ADAM10: variants seen among roughly 807,000 people sequenced by gnomAD.
ADAM10 encodes ADAM metallopeptidase domain 10, also known as disintegrin and metalloproteinase domain-containing protein 10.
ADAM10 carries 17 observed loss-of-function variants against 90.1 expected under a neutral mutation model. That is an observed-to-expected ratio of 0.19 (90% CI 0.13 to 0.28). The LOEUF (loss-of-function observed/expected upper bound fraction) is 0.28, where lower values mean the gene tolerates loss of function less well. ADAM10 is among the 10% of genes least tolerant of loss of function. The pLI is 1.00. For synonymous variants in ADAM10, 310 were observed against 298.6 expected (o/e 1.04, Z -0.40); for missense variants, 610 against 914.3 (o/e 0.67, Z 4.29).
chr15:58,733,300 C>A (rs555647994), intron 1 of ADAM10, among the ~76,000 whole-genome samples: 1 of 149,998 alleles, frequency 6.7e-6, no homozygotes, highest in Admixed American at 6.7e-5. Flanking sequence ...GTGAACAAAA[C>A]CTGGTGGTTC....
chr15:58,725,348 T>C (rs1375788997), intron 1 of ADAM10, among the ~76,000 whole-genome samples: 4 of 143,414 alleles, frequency 2.8e-5, no homozygotes, highest in Admixed American at 7.0e-5. Context: ...CTGGGCAATA[T>C]AGCAAGACCT....
rs3764196 is a variant in ADAM10, at chr15:58,594,811, T to G, written c.*2736A>C. ...GAGTTTCATAAATAACTAAACATAATATACATTTGATGCTCCTAAATTAAC... is the reference window on the plus strand; with the variant it reads ...GAGTTTCATAAATAACTAAACATAAGATACATTTGATGCTCCTAAATTAAC... On this transcript the variant is annotated 3_prime_UTR_variant, in exon 16 of 16. Coordinates refer to ENST00000260408, the MANE Select transcript of ADAM10 (RefSeq NM_001110.4). The G allele has an allele frequency of 0.24, 37,107 of 152,054 alleles. 4,828 individuals carry two copies. The highest frequency in any genetic ancestry group is 0.54 in the East Asian group (2,780 of 5,172). 9.4% of individuals were successfully genotyped at this position (152,054 alleles called of 1,614,324 possible). A position where few individuals can be genotyped will look rare whatever the true frequency, so the allele number is the denominator to read the frequency against.
chr15:58,715,193 G>A (rs566491954), intron 2 of ADAM10, among the ~76,000 whole-genome samples: 1 of 152,136 alleles, frequency 6.6e-6, no homozygotes, highest in South Asian at 2.1e-4. Context: ...AGACCGAGGT[G>A]AGCGGATCAC....
chr15:58,740,534 G>C (rs190102022), intron 1 of ADAM10, among the ~76,000 whole-genome samples: 2 of 151,724 alleles, frequency 1.3e-5, no homozygotes, highest in East Asian at 3.9e-4. Flanking sequence ...GCATACTTAT[G>C]CGTTTTAACT....
At chr15:58,618,274 G>A (rs1335343531) in intron 11 of ADAM10, among the ~76,000 whole-genome samples, 1 of 152,162 alleles carries the variant, frequency 6.6e-6, no homozygotes, top group Non-Finnish European at 1.5e-5. Context: ...AGTGGGGAAA[G>A]GACAGTCTCT....
At chr15:58,689,118 C>G (rs1437788551) in intron 2 of ADAM10, among the ~76,000 whole-genome samples, 1 of 152,046 alleles carries the variant, frequency 6.6e-6, no homozygotes, top group African/African-American at 2.4e-5. Flanking sequence ...TGAAAATCAG[C>G]GTTAAAGAGA....
intron 11 of ADAM10, among the ~76,000 whole-genome samples, chr15:58,618,824 G>A (rs1383495338): frequency 6.6e-6 from 1 of 152,014 alleles, no homozygotes; most frequent in Non-Finnish European, 1.5e-5. Context: ...CAGTAAAAAT[G>A]ACCATTATCA....
intron 1 of ADAM10, among the ~76,000 whole-genome samples, chr15:58,743,206 CG>C (rs753903665): frequency 3.2e-4 from 49 of 151,840 alleles, no homozygotes; most frequent in Non-Finnish European, 4.7e-4. Context: ...TGGCGGGGGG[CG>C]GGGGTTCAGA....
At chr15:58,620,747 C>A (rs1895758877) in intron 11 of ADAM10, among the ~76,000 whole-genome samples, 1 of 90,022 alleles carries the variant, frequency 1.1e-5, no homozygotes, top group Non-Finnish European at 1.8e-5. Flanking sequence ...CGGCTCACTG[C>A]AAGCTCCGCT....
At chr15:58,711,278 C>A (rs1285142017) in intron 2 of ADAM10, among the ~76,000 whole-genome samples, 1 of 152,044 alleles carries the variant, frequency 6.6e-6, no homozygotes, top group East Asian at 1.9e-4. Flanking sequence ...GACTGAGGTA[C>A]CCAAATAAAT....
intron 2 of ADAM10, among the ~76,000 whole-genome samples, chr15:58,701,014 C>CAAAAAAAAAAAAA (rs1257060994): frequency 4.5e-5 from 2 of 44,918 alleles, no homozygotes; most frequent in African/African-American, 6.0e-5. Context: ...TAAAAAAAAA[C>CAAAAAAAAAAAAA]AAAAAAACAA....
At position 58,599,711 on chromosome 15, in the gene ADAM10, G is replaced by A; in HGVS notation, c.2039C>T (p.Ala680Val). 6.2e-7 allele frequency: 1 copy of A among 1,611,178 alleles called. No individual in the cohort carries two copies. Among genetic ancestry groups the A allele is most frequent in the South Asian group, 1.1e-5 (1 of 91,004 alleles). Reference protein sequence around the residue: ...IAEWIVAHWWAVLLMGIALIM... With the variant: ...IAEWIVAHWWVVLLMGIALIM... ...CAGAGCAATTCCCATAAGTAATACT[G>A]CCCACCAATGAGCCTAGAAATAAAC... The change falls in exon 15 of 16, where the codon GCA becomes GTA. Residue 680 changes from alanine to valine, a missense_variant. Transcript: ENST00000260408.
At chr15:58,629,201 G>A (rs1896030754) in intron 9 of ADAM10, 1 of 152,096 alleles carries the variant, frequency 6.6e-6, no homozygotes, top group African/African-American at 2.4e-5. Flanking sequence ...TATAAAAGGA[G>A]GCACTAAAAT....
intron 1 of ADAM10, among the ~76,000 whole-genome samples, chr15:58,724,711 C>A (rs1475981733): frequency 6.6e-6 from 1 of 152,154 alleles, no homozygotes; most frequent in African/African-American, 2.4e-5. Context: ...CTGATCTAAG[C>A]ATGTGAGAAA....
chr15:58,643,950 G>C lies in ADAM10; in HGVS notation c.764C>G (p.Thr255Arg). Reference sequence around the variant, plus strand: ...GGAGAAGTCTGTGGTCTGGTAAATTGTATCAATCGCTTTAACATGACTGGA... The same window carrying C: ...GGAGAAGTCTGTGGTCTGGTAAATTCTATCAATCGCTTTAACATGACTGGA... ...QISSHVKAID[T>R]IYQTTDFSGI... The change falls in exon 7 of 16, where the codon ACA (threonine) becomes AGA (arginine). Residue 255 changes from threonine (T) to arginine (R), a missense_variant. This residue lies in a region of ADAM10 where 310 missense variants were observed against 362.4 expected (regional missense o/e 0.86). Transcript: ENST00000260408. 6.2e-7 allele frequency: 1 copy of C among 1,612,554 alleles called. No individual in the cohort carries two copies. The highest frequency in any genetic ancestry group is 8.5e-7 in the Non-Finnish European group (1 of 1,178,748).
In ADAM10 at chr15:58,610,504, A is replaced by C. The variant is rs1179514145; in HGVS notation, c.1818T>G (p.Thr606=). 6.2e-7 allele frequency: 1 copy of C among 1,614,188 alleles called. No individual in the cohort carries two copies. The highest frequency in any genetic ancestry group is 8.5e-7 in the Non-Finnish European group (1 of 1,180,012). ...ACTGCACAGACCCTGTACTGGCACAAGTTGATGGGTCCACTGGAAAAGAAA... is the reference window on the plus strand; with the variant it reads ...ACTGCACAGACCCTGTACTGGCACACGTTGATGGGTCCACTGGAAAAGAAA... The part of the protein sequence containing the change: ...VCCMKKMDPS[T]CASTGSVQWS... The change falls in exon 14 of 16, where the codon ACT becomes ACG. Residue 606 remains threonine (T), a synonymous_variant. Coordinates refer to ENST00000260408, the MANE Select transcript of ADAM10 (RefSeq NM_001110.4).
chr15:58,736,071 T>C (rs931843756), intron 1 of ADAM10, among the ~76,000 whole-genome samples: 1 of 152,158 alleles, frequency 6.6e-6, no homozygotes, highest in Non-Finnish European at 1.5e-5. Flanking sequence ...GCTAAATATC[T>C]TTCTATTTGA....
intron 2 of ADAM10, among the ~76,000 whole-genome samples, chr15:58,689,865 A>G (rs1294010593): frequency 6.6e-6 from 1 of 151,784 alleles, no homozygotes; most frequent in Non-Finnish European, 1.5e-5. Context: ...ATGTCCTATA[A>G]AACTATTTTA....
At chr15:58,634,779 C>CGAA (rs1896203600) in intron 8 of ADAM10, among the ~76,000 whole-genome samples, 1 of 152,094 alleles carries the variant, frequency 6.6e-6, no homozygotes, top group Non-Finnish European at 1.5e-5. Context: ...CTCTAATTAG[C>CGAA]TTTCTATAGA....
Sources: gnomAD v4.1 joint callset for allele counts (sites outside exome capture counted in the v4.1 genomes callset) on GRCh38, gnomAD v4.1.1 for gene constraint, gnomAD v4.1.1 regional missense constraint, MANE v1.5 for transcripts, NCBI Gene and HGNC (gene_info 2026-07-23, HGNC 2026-07-21) for gene names.